Variants in ZSWIM9 observed in about 807,000 individuals in gnomAD.
ZSWIM9 encodes the protein zinc finger SWIM-type containing 9.
Under a neutral mutation model 25.0 loss-of-function variants are expected in ZSWIM9, and 11 were observed. The observed-to-expected ratio is 0.44, with a 90% confidence interval of 0.28 to 0.73. ZSWIM9 has a LOEUF of 0.73. ZSWIM9 is among the 30% of genes least tolerant of loss of function. ZSWIM9 has a pLI of 0.16. For synonymous variants in ZSWIM9, 562 were observed against 582.1 expected (o/e 0.97, Z 0.50); for missense variants, 1,070 against 1,296.5 (o/e 0.83, Z 2.68).
At chr19:48,176,314 C>T (rs1398955641) in intron 2 of ZSWIM9, among the ~76,000 whole-genome samples, 1 of 152,154 alleles carries the variant, frequency 6.6e-6, no homozygotes, top group African/African-American at 2.4e-5. Flanking sequence ...GTTTACTATG[C>T]ACTAGCCCAT....
At chr19:48,187,134 G>A (rs1172723603) in intron 3 of ZSWIM9, among the ~76,000 whole-genome samples, 2 of 149,812 alleles carry the variant, frequency 1.3e-5, no homozygotes, top group South Asian at 2.1e-4. Flanking sequence ...GGTGGGGTGG[G>A]ATTAGCATGT....
At chr19:48,186,363 C>T (rs575326942) in intron 3 of ZSWIM9, among the ~76,000 whole-genome samples, 19 of 151,912 alleles carry the variant, frequency 1.3e-4, no homozygotes, top group South Asian at 4.2e-4. Flanking sequence ...TGCAGTGGCA[C>T]GCTGTTGGCT....
chr19:48,196,047 A>C lies in ZSWIM9; in HGVS notation c.1983A>C (p.Arg661Ser). The C allele has an allele frequency of 7.9e-7, 1 of 1,261,458 alleles. No homozygotes were observed. The allele number at this position is 1,261,458 out of a possible 1,614,324, so 78.1% of individuals were successfully genotyped here. A position where few individuals can be genotyped will look rare whatever the true frequency, so the allele number is the denominator to read the frequency against. The change falls in exon 4 of 4, where the codon AGA (arginine) becomes AGC (serine). Residue 661 changes from arginine to serine, a missense_variant. By Grantham distance (110) the Arg-to-Ser change is moderately radical. Transcript: ENST00000614654. The part of the protein sequence containing the change: ...EVEKGRGLEV[R>S]NLRGIPLEKS... ...AGAAGGGGAGGGGGCTGGAGGTCAGAAACTTGAGGGGGATCCCCTTGGAGA... is the reference window on the plus strand; with the variant it reads ...AGAAGGGGAGGGGGCTGGAGGTCAGCAACTTGAGGGGGATCCCCTTGGAGA...
At chr19:48,185,762 G>A (rs535793574) in intron 3 of ZSWIM9, among the ~76,000 whole-genome samples, 13 of 152,276 alleles carry the variant, frequency 8.5e-5, no homozygotes, top group African/African-American at 2.6e-4. Flanking sequence ...TGAGGCAGAT[G>A]GATCACCTGA....
chr19:48,180,552 T>C (rs1375546247), intron 2 of ZSWIM9, among the ~76,000 whole-genome samples: 4 of 152,036 alleles, frequency 2.6e-5, no homozygotes, highest in African/African-American at 7.2e-5. Context: ...ACCTTTGTGA[T>C]GACATTTGGG....
rs1196468867 is a variant in ZSWIM9, at chr19:48,194,886, G to C, written c.822G>C (p.Ala274=). The C allele has an allele frequency of 3.0e-6, 4 of 1,320,448 alleles. No individual in the cohort carries two copies. The highest frequency in any genetic ancestry group is 3.8e-6 in the Non-Finnish European group (4 of 1,039,860). 81.8% of individuals were successfully genotyped at this position (1,320,448 alleles called of 1,614,324 possible). ...RPGTPSLLRF[A]LASLLQSAPD... is the part of the protein sequence containing the mutation. ...GCACACCGAGCCTGCTGCGCTTCGC[G>C]CTCGCGTCGCTGCTGCAGAGCGCGC... is the stretch of plus-strand genomic sequence containing the variant. The change falls in exon 4 of 4, where the codon GCG becomes GCC. Residue 274 remains alanine (A), a synonymous_variant. Coordinates refer to ENST00000614654, the MANE Select transcript of ZSWIM9 (RefSeq NM_199341.4). This position sits in a 1 kb window ranked among gnomAD's most constrained non-coding sequence, Gnocchi z 6.0.
At chr19:48,184,517 C>T (rs1335417627) in intron 3 of ZSWIM9, among the ~76,000 whole-genome samples, 1 of 152,088 alleles carries the variant, frequency 6.6e-6, no homozygotes, top group Non-Finnish European at 1.5e-5. Context: ...AGGGTAAAGT[C>T]GAGATTCAGC....
At position 48,195,676 on chromosome 19, in the gene ZSWIM9, G is replaced by C. The variant is rs552596343; in HGVS notation, c.1612G>C (p.Gly538Arg). The change falls in exon 4 of 4, where the codon GGG (glycine) becomes CGG (arginine). Residue 538 changes from glycine to arginine, a missense_variant. By Grantham distance (125) the Gly-to-Arg change is moderately radical. Transcript: ENST00000614654. The surrounding 1 kb of genome is among the most constrained non-coding windows in gnomAD (Gnocchi z 5.8). ...LENQKPRGLEGGVLRGSKLEK... is the reference protein window; with the variant it reads ...LENQKPRGLERGVLRGSKLEK... ...GAATCAGAAGCCGAGGGGACTGGAA[G>C]GGGGTGTCTTGAGAGGGTCGAAGTT... 8.3e-6 allele frequency: 12 copies of C among 1,442,766 alleles called. No homozygotes were observed. Among genetic ancestry groups the C allele is most frequent in the Middle Eastern group, 1.8e-4 (1 of 5,554 alleles). The allele number at this position is 1,442,766 out of a possible 1,614,324, so 89.4% of individuals were successfully genotyped here.
intron 2 of ZSWIM9, among the ~76,000 whole-genome samples, chr19:48,177,094 A>T (rs1354700650): frequency 6.6e-6 from 1 of 151,638 alleles, no homozygotes; most frequent in Non-Finnish European, 1.5e-5. Flanking sequence ...TTAAAAAAAA[A>T]TAAAATTCCC....
At chr19:48,191,164 T>C (rs575477779) in intron 3 of ZSWIM9, among the ~76,000 whole-genome samples, 67 of 151,800 alleles carry the variant, frequency 4.4e-4, no homozygotes, top group African/African-American at 1.6e-3. Flanking sequence ...TAGGAAGCCC[T>C]GCATATGTTC....
intron 3 of ZSWIM9, chr19:48,191,930 C>T (rs1414058872): frequency 6.5e-6 from 1 of 154,748 alleles, no homozygotes; most frequent in African/African-American, 2.4e-5. Flanking sequence ...TTGCAAATCG[C>T]ATGGGTGACT....
intron 3 of ZSWIM9, among the ~76,000 whole-genome samples, chr19:48,185,300 A>G (rs566828526): frequency 1.3e-5 from 2 of 151,176 alleles, no homozygotes; most frequent in South Asian, 2.1e-4. Context: ...CCACCATGCT[A>G]ATTTTTGTGT....
At chr19:48,172,132 G>GT in intron 2 of ZSWIM9, 55 bp downstream of exon 2, 4 of 1,110,882 alleles carry the variant, frequency 3.6e-6, no homozygotes, top group Non-Finnish European at 5.0e-6. Context: ...CCGGGGGTGG[G>GT]TGTGGGTGGG....
At chr19:48,191,096 G>C (rs1311310647) in intron 3 of ZSWIM9, among the ~76,000 whole-genome samples, 1 of 136,778 alleles carries the variant, frequency 7.3e-6, no homozygotes, top group Non-Finnish European at 1.5e-5. Context: ...ATGTGTATGT[G>C]TGTGTGTGTG....
chr19:48,178,729 C>A (rs898822729), intron 2 of ZSWIM9, among the ~76,000 whole-genome samples: 3 of 152,174 alleles, frequency 2.0e-5, no homozygotes, highest in African/African-American at 7.2e-5. Flanking sequence ...GCGTGTGCCA[C>A]CGCACCTGGC....
At chr19:48,186,662 G>A (rs148133656) in intron 3 of ZSWIM9, 1,861 of 154,878 alleles carry the variant, frequency 0.012, 42 homozygotes, top group African/African-American at 0.042. Context: ...ACCATCTTTC[G>A]TTCTTCCTCT....
rs1219995614 is a variant in ZSWIM9, at chr19:48,195,163, G to T, written c.1099G>T (p.Ala367Ser). 6.6e-7 allele frequency: 1 copy of T among 1,517,304 alleles called. No individual in the cohort carries two copies. The allele number at this position is 1,517,304 out of a possible 1,614,324, so 94.0% of individuals were successfully genotyped here. ...AYDEALAELH[A>S]HGPAAFVDYF... is the part of the protein sequence containing the mutation. The stretch of plus-strand genomic sequence containing the variant: ...CGACGAGGCGCTGGCCGAGCTCCAC[G>T]CCCACGGCCCAGCCGCCTTCGTGGA... The change falls in exon 4 of 4, where the codon GCC becomes TCC. Residue 367 changes from alanine (A) to serine (S), a missense_variant. By Grantham distance (99) the Ala-to-Ser change is moderately conservative (BLOSUM62 1). Coordinates refer to ENST00000614654, the MANE Select transcript of ZSWIM9 (RefSeq NM_199341.4). This position sits in a 1 kb window ranked among gnomAD's most constrained non-coding sequence, Gnocchi z 5.8.
Position 48,171,985 on chromosome 19 carries a change from G to T in ZSWIM9, c.183G>T (p.Ala61=). ...MHLARCRWAS[A]PPLYTLIDVL... is the part of the protein sequence containing the mutation. ...TGGCGCGCTGCCGCTGGGCCAGTGC[G>T]CCCCCGCTCTACACGCTCATCGACG... The change falls in exon 2 of 4, where the codon GCG becomes GCT. Residue 61 remains alanine, a synonymous_variant. Coordinates refer to ENST00000614654, the MANE Select transcript of ZSWIM9 (RefSeq NM_199341.4). 6.5e-7 allele frequency: 1 copy of T among 1,532,312 alleles called. No individual in the cohort carries two copies. Among genetic ancestry groups the T allele is most frequent in the East Asian group, 2.5e-5 (1 of 40,688 alleles). The allele number at this position is 1,532,312 out of a possible 1,614,324, so 94.9% of individuals were successfully genotyped here.
intron 3 of ZSWIM9, among the ~76,000 whole-genome samples, chr19:48,192,501 A>ATG (rs1193218842): frequency 1.5e-5 from 1 of 66,194 alleles, no homozygotes; most frequent in African/African-American, 4.8e-5. Flanking sequence ...ATATATATAC[A>ATG]CACACACACA....
Sources: allele counts gnomAD v4.1 joint callset (sites outside exome capture counted in the v4.1 genomes callset), GRCh38; gene constraint gnomAD v4.1.1; non-coding constraint Gnocchi (gnomAD v3.1); transcripts MANE v1.5; gene names NCBI Gene and HGNC (gene_info 2026-07-23, HGNC 2026-07-21).